Variants in GRIN2C observed in about 807,000 individuals in gnomAD.
GRIN2C encodes the protein glutamate receptor ionotropic, NMDA 2C.
In GRIN2C, 64 loss-of-function variants were observed where a neutral mutation model predicts 77.7. The ratio of observed to expected loss-of-function variants is 0.82; its 90% CI spans 0.67 to 1.01. GRIN2C has a LOEUF of 1.01. GRIN2C is among the 50% of genes least tolerant of loss of function. The probability of loss-of-function intolerance (pLI) is 0.00; values close to 1 mark genes in which losing one functional copy is unlikely to be tolerated. For missense variants in GRIN2C, 1,549 were observed against 1,486.0 expected (o/e 1.04, Z -0.70); for synonymous variants, 792 against 643.4 (o/e 1.23, Z -3.49).
chr17:74,847,937 C>T lies in GRIN2C; in HGVS notation c.1686G>A (p.Met562Ile). ...CGGTGATGGCCACCACAGTGAGGCA[C>T]ATGACAAACATCATCACCCACACTG... ...SPAVWVMMFVMCLTVVAITVF... is the reference protein window; with the variant it reads ...SPAVWVMMFVICLTVVAITVF... The change falls in exon 8 of 13, where the codon ATG becomes ATA. Residue 562 changes from methionine to isoleucine, a missense_variant. Met to Ile is a conservative substitution (Grantham distance 10, BLOSUM62 1). Transcript: ENST00000293190. This position sits in a 1 kb window ranked among gnomAD's most constrained non-coding sequence, Gnocchi z 5.2. The T allele has an allele frequency of 6.2e-7, 1 of 1,614,060 alleles. No individual in the cohort carries two copies. Among genetic ancestry groups the T allele is most frequent in the Non-Finnish European group, 8.5e-7 (1 of 1,179,932 alleles).
At position 74,847,301 on chromosome 17, in the gene GRIN2C, C is replaced by T. The variant is rs760993421; in HGVS notation, c.2001+7G>A. On this transcript the variant is annotated splice_region_variant and intron_variant, in intron 9 of 12. Coordinates refer to ENST00000293190, the MANE Select transcript of GRIN2C (RefSeq NM_000835.6). The surrounding 1 kb of genome is among the most constrained non-coding windows in gnomAD (Gnocchi z 5.2). ...CCCCCCACCCCCAGCAGCTATGGCC[C>T]CACAACCTTCTTGTCACTGAGGCCC... 6.3e-7 allele frequency: 1 copy of T among 1,581,158 alleles called. No homozygotes were observed. The highest frequency in any genetic ancestry group is 8.7e-7 in the Non-Finnish European group (1 of 1,151,268).
Position 74,843,311 on chromosome 17 carries a change from G to T in GRIN2C, c.2826C>A (p.Pro942=). ...PSPCPTPRSG[P]SPCLPTPDPP... is the part of the protein sequence containing the mutation. Reference sequence around the variant, plus strand: ...GGTCGGGGGTGGGCAGGCATGGGCTGGGGCCAGACCGCGGGGTCGGGCAGG... The same window carrying T: ...GGTCGGGGGTGGGCAGGCATGGGCTTGGGCCAGACCGCGGGGTCGGGCAGG... The change falls in exon 13 of 13, where the codon CCC becomes CCA. Residue 942 remains proline, a synonymous_variant. Transcript: ENST00000293190. 1 of 1,395,704 alleles carries T rather than the reference G, an allele frequency of 7.2e-7. No individual in the cohort carries two copies. Among genetic ancestry groups the T allele is most frequent in the Non-Finnish European group, 9.7e-7 (1 of 1,035,854 alleles). 86.5% of individuals were successfully genotyped at this position (1,395,704 alleles called of 1,614,324 possible).
intron 2 of GRIN2C, chr17:74,853,453 T>TAAAC (rs1263208326): frequency 1.3e-5 from 2 of 152,142 alleles, no homozygotes; most frequent in Non-Finnish European, 2.9e-5. Context: ...GGCTGCAAAA[T>TAAAC]AAACACTTAT....
chr17:74,849,988 G>A lies in GRIN2C; in HGVS notation c.1492-55C>T, dbSNP rs59884134. The stretch of plus-strand genomic sequence containing the variant: ...AAAGGGGCTCCCGTGGGGTGGACAC[G>A]CTGCACAGGCACCTCCAGACACCCC... On this transcript the variant is annotated intron_variant, in intron 6 of 12. Transcript: ENST00000293190. The surrounding 1 kb of genome is among the most constrained non-coding windows in gnomAD (Gnocchi z 4.6). 3,180 of 1,555,706 alleles carry A rather than the reference G, an allele frequency of 2.0e-3. 52 individuals are homozygous for A. The African/African-American group carries it at 0.036, about 18-fold the overall frequency.
rs1001527887 is a variant in GRIN2C at position 74,853,777 on chromosome 17, G to A, written c.399+917C>T. The A allele has an allele frequency of 5.9e-5, 9 of 152,054 alleles. No individual in the cohort carries two copies. The East Asian group carries it at 7.7e-4, about 13-fold the overall frequency. The allele number at this position is 152,054 out of a possible 1,614,324, so 9.4% of individuals were successfully genotyped here. A position where few individuals can be genotyped will look rare whatever the true frequency, so the allele number is the denominator to read the frequency against. On this transcript the variant is annotated intron_variant, in intron 2 of 12. Coordinates refer to ENST00000293190, the MANE Select transcript of GRIN2C (RefSeq NM_000835.6). Reference sequence around the variant, plus strand: ...ATATAAAAATTAATGAAACAAAGGCGAATCAGATCAGTCTCTTCCCTCAAC... The same window carrying A: ...ATATAAAAATTAATGAAACAAAGGCAAATCAGATCAGTCTCTTCCCTCAAC...
rs1290704406 is a variant in GRIN2C at position 74,843,408 on chromosome 17, C to T, written c.2729G>A (p.Ser910Asn). 3.3e-6 allele frequency: 5 copies of T among 1,535,844 alleles called. No individual in the cohort carries two copies. In the African/African-American group the frequency reaches 4.1e-5, roughly 13 times the overall value. ...ARDMVTTAGV[S>N]SSLDRATRTI... Reference sequence around the variant, plus strand: ...GCGAGTGGCGCGGTCCAGGGAGCTGCTTACGCCCGCCGTGGTCACCATGTC... The same window carrying T: ...GCGAGTGGCGCGGTCCAGGGAGCTGTTTACGCCCGCCGTGGTCACCATGTC... The change falls in exon 13 of 13, where the codon AGC (serine) becomes AAC (asparagine). Residue 910 changes from serine to asparagine, a missense_variant. By Grantham distance (46) the Ser-to-Asn change is conservative. Transcript: ENST00000293190.
Position 74,850,305 on chromosome 17 carries a change from C to A in GRIN2C, c.1392G>T (p.Lys464Asn). The A allele has an allele frequency of 1.9e-6, 3 of 1,613,890 alleles. No homozygotes were observed. Among genetic ancestry groups the A allele is most frequent in the Non-Finnish European group, 2.5e-6 (3 of 1,179,972 alleles). ...CKGFCIDILK[K>N]LARVVKFSYD... is the part of the protein sequence containing the mutation. ...AGGAGAATTTGACCACTCTGGCCAG[C>A]TTCTTGAGGATGTCGATGCAGAATC... The change falls in exon 6 of 13, where the codon AAG (lysine) becomes AAT (asparagine). Residue 464 changes from lysine (K) to asparagine (N), a missense_variant. By Grantham distance (94) the Lys-to-Asn change is moderately conservative (BLOSUM62 0). Around this residue, in one of 3 missense-constraint regions of GRIN2C, gnomAD observed 717 missense variants for 858.1 expected, o/e 0.84. Coordinates refer to ENST00000293190, the MANE Select transcript of GRIN2C (RefSeq NM_000835.6). This position sits in a 1 kb window ranked among gnomAD's most constrained non-coding sequence, Gnocchi z 5.3.
In GRIN2C at chr17:74,844,256, G is replaced by T. The variant is rs768116087; in HGVS notation, c.2583+20C>A. The T allele has an allele frequency of 6.2e-6, 10 of 1,612,724 alleles. No homozygotes were observed. Among genetic ancestry groups the T allele is most frequent in the Admixed American group, 3.3e-5 (2 of 60,022 alleles). On this transcript the variant is annotated intron_variant, in intron 12 of 12. Transcript: ENST00000293190. ...GTGCCCTTAAAACTTTGGCCTGTGTGGGGAGGGGTGGGCACCCACCCTGCT... is the reference window on the plus strand; with the variant it reads ...GTGCCCTTAAAACTTTGGCCTGTGTTGGGAGGGGTGGGCACCCACCCTGCT...
At position 74,855,072 on chromosome 17, in the gene GRIN2C, C is replaced by A; in HGVS notation, c.21G>T (p.Pro7=). 6.3e-7 allele frequency: 1 copy of A among 1,591,408 alleles called. No individual in the cohort carries two copies. Residue 7 remains proline (P), a synonymous_variant, in exon 2 of 13, where the codon CCG becomes CCT. Coordinates refer to ENST00000293190, the MANE Select transcript of GRIN2C (RefSeq NM_000835.6). ...CGAAGAGCGAGGTGAGCAACAGGGC[C>A]GGCCCCAGGGCCCCACCCATGTCCA... The part of the protein sequence containing the change: MGGALG[P]ALLLTSLFGA...
Position 74,846,928 on chromosome 17 carries a change from C to T in GRIN2C, c.2002-8G>A, listed in dbSNP as rs1285152664. On this transcript the variant is annotated splice_region_variant and splice_polypyrimidine_tract_variant and intron_variant, in intron 9 of 12. Coordinates refer to ENST00000293190, the MANE Select transcript of GRIN2C (RefSeq NM_000835.6). This position sits in a 1 kb window ranked among gnomAD's most constrained non-coding sequence, Gnocchi z 4.4. Reference sequence around the variant, plus strand: ...ATCTTGAGGCCGCTGAAACTGCAGGCGGAGGGCAGCAGCCAGTCACAACCC... The same window carrying T: ...ATCTTGAGGCCGCTGAAACTGCAGGTGGAGGGCAGCAGCCAGTCACAACCC... The T allele has an allele frequency of 6.2e-6, 10 of 1,601,744 alleles. No homozygotes were observed. The highest frequency in any genetic ancestry group is 5.0e-5 in the Admixed American group (3 of 59,598).
rs748730958 is a variant in GRIN2C at position 74,849,947 on chromosome 17, G to A, written c.1492-14C>T. The stretch of plus-strand genomic sequence containing the variant: ...CTTGTAGTACACCTGGGGGCCGGAC[G>A]CCACGGAGGTTTGAAAAAGGGGCTC... On this transcript the variant is annotated splice_polypyrimidine_tract_variant and intron_variant, in intron 6 of 12. Coordinates refer to ENST00000293190, the MANE Select transcript of GRIN2C (RefSeq NM_000835.6). This position sits in a 1 kb window ranked among gnomAD's most constrained non-coding sequence, Gnocchi z 4.6. 1.6e-5 allele frequency: 25 copies of A among 1,606,546 alleles called. No homozygotes were observed. The highest frequency in any genetic ancestry group is 1.7e-4 in the Middle Eastern group (1 of 5,940).
At chr17:74,853,546 A>G (rs1001977036) in intron 2 of GRIN2C, 3 of 152,178 alleles carry the variant, frequency 2.0e-5, no homozygotes, top group Admixed American at 6.6e-5. Context: ...GTGATAATGT[A>G]TGGTGGTTTT....
rs916045894 is a variant in GRIN2C, at chr17:74,846,589, T to C, written c.2162+171A>G. Among the ~76,000 whole-genome samples, 4 of 152,188 alleles carry C rather than the reference T, an allele frequency of 2.6e-5. No individual in the cohort carries two copies. The highest frequency in any genetic ancestry group is 9.7e-5 in the African/African-American group (4 of 41,448). On this transcript the variant is annotated intron_variant, in intron 10 of 12. Transcript: ENST00000293190. This position sits in a 1 kb window ranked among gnomAD's most constrained non-coding sequence, Gnocchi z 4.4. ...CACCACAGCTGTGTTCTGAGACACA[T>C]GGTGGCCTTCCATTTTTGCCTCAAG... is the stretch of plus-strand genomic sequence containing the variant.
Position 74,846,386 on chromosome 17 carries a change from G to A in GRIN2C, c.2163-133C>T, listed in dbSNP as rs578081708. ...GGGAGGGACCAATGGGCAGAGACTT[G>A]TCTGGTTCTCTTGGGTCCTGGATGG... On this transcript the variant is annotated intron_variant, in intron 10 of 12. Coordinates refer to ENST00000293190, the MANE Select transcript of GRIN2C (RefSeq NM_000835.6). The surrounding 1 kb of genome is among the most constrained non-coding windows in gnomAD (Gnocchi z 4.4). 1 of 728,626 alleles carries A rather than the reference G, an allele frequency of 1.4e-6. No homozygotes were observed. The highest frequency in any genetic ancestry group is 1.7e-5 in the South Asian group (1 of 58,622). The allele number at this position is 728,626 out of a possible 1,614,324, so 45.1% of individuals were successfully genotyped here.
At chr17:74,853,603 T>G (rs1349945285) in intron 2 of GRIN2C, 2 of 152,156 alleles carry the variant, frequency 1.3e-5, no homozygotes, top group African/African-American at 2.4e-5. Flanking sequence ...GAAATATTTA[T>G]GGATGGAATA....
In GRIN2C at chr17:74,843,977, G is replaced by T. The variant is rs117941304; in HGVS notation, c.2583+299C>A. 6,663 of 521,244 alleles carry T rather than the reference G, an allele frequency of 0.013. 519 individuals carry two copies. The East Asian group carries it at 0.18, about 14-fold the overall frequency. 32.3% of individuals were successfully genotyped at this position (521,244 alleles called of 1,614,324 possible). A position where few individuals can be genotyped will look rare whatever the true frequency, so the allele number is the denominator to read the frequency against. On this transcript the variant is annotated intron_variant, in intron 12 of 12. Coordinates refer to ENST00000293190, the MANE Select transcript of GRIN2C (RefSeq NM_000835.6). ...CAACCTCTGCCTTCTTGGCTCAAGC[G>T]ATCCTCCCAATTCAGCCTCCTGAGT... is the stretch of plus-strand genomic sequence containing the variant.
rs60484084 is a variant in GRIN2C at position 74,849,146 on chromosome 17, TGAG to T, written c.1645+631_1645+633del. On this transcript the variant is annotated intron_variant, in intron 7 of 12. Transcript: ENST00000293190. This position sits in a 1 kb window ranked among gnomAD's most constrained non-coding sequence, Gnocchi z 4.6. ...TTTTTTTTTTCCTCTCTTCCGTGGC[TGAG>T]GAGCCTGCTCAGAGAGGTTCTGTGA... 0.24 allele frequency among the ~76,000 whole-genome samples: 36,532 copies of T among 151,476 alleles called. 4,775 individuals are homozygous for T. Among genetic ancestry groups the T allele is most frequent in the East Asian group, 0.41 (2,090 of 5,120 alleles).
chr17:74,854,319 T>G (rs1295398860), intron 2 of GRIN2C: 2 of 195,068 alleles, frequency 1.0e-5, no homozygotes, highest in African/African-American at 4.7e-5. Flanking sequence ...GTGCTCACCC[T>G]ACAGGTCAAC....
intron 11 of GRIN2C, 150 bp from the exon 12 acceptor site, chr17:74,844,658 G>T: frequency 1.4e-6 from 2 of 1,406,964 alleles, no homozygotes; most frequent in Non-Finnish European, 1.9e-6. Flanking sequence ...GATCCAGCCT[G>T]GCTGGAGCAG....
Sources: allele counts gnomAD v4.1 joint callset (sites outside exome capture counted in the v4.1 genomes callset), GRCh38; gene constraint gnomAD v4.1.1; regional missense constraint gnomAD v4.1.1; non-coding constraint Gnocchi (gnomAD v3.1); transcripts MANE v1.5; gene names NCBI Gene and HGNC (gene_info 2026-07-23, HGNC 2026-07-21).